The following EMILIN2 variants were observed in gnomAD, a reference collection of about 807,000 sequenced individuals.
EMILIN2 encodes elastin microfibril interfacer 2.
A neutral mutation model predicts 87.1 loss-of-function variants in EMILIN2; 71 were observed. The observed-to-expected ratio is 0.82, with a 90% CI of 0.67 to 0.99. The LOEUF is 0.99. Ranked by LOEUF, EMILIN2 falls within the 50% of genes least tolerant of loss-of-function variation. The pLI, the probability that EMILIN2 is intolerant of heterozygous loss-of-function variation, is 0.00. For synonymous variants in EMILIN2, 581 were observed against 563.4 expected (o/e 1.03, Z -0.44); for missense variants, 1,407 against 1,371.8 (o/e 1.03, Z -0.40).
rs185007950 is a variant in EMILIN2, at chr18:2,858,826, G to A, written c.257+10895G>A. Among the ~76,000 whole-genome samples, 563 of 151,116 alleles carry A rather than the reference G, an allele frequency of 3.7e-3. 4 individuals carry two copies. The highest frequency in any genetic ancestry group is 0.013 in the African/African-American group (542 of 41,098). The stretch of plus-strand genomic sequence containing the variant: ...AATTTTTGTATTTTTAGTTGAGACG[G>A]GGTTTCACCATGTTGGCCAGGCTGG... On this transcript the variant is annotated intron_variant, in intron 2 of 7. Coordinates refer to ENST00000254528, the MANE Select transcript of EMILIN2 (RefSeq NM_032048.3).
intron 3 of EMILIN2, among the ~76,000 whole-genome samples, chr18:2,888,720 A>C (rs1375716123): frequency 1.3e-5 from 2 of 151,578 alleles, no homozygotes; most frequent in Non-Finnish European, 2.9e-5. Context: ...GTCTCAAAAA[A>C]AAAAAAAAAA....
intron 2 of EMILIN2, among the ~76,000 whole-genome samples, chr18:2,869,786 T>TGTGTG (rs1568461094): frequency 1.5e-4 from 9 of 59,068 alleles, no homozygotes; most frequent in African/African-American, 5.4e-4. Flanking sequence ...GTGTGTGTGT[T>TGTGTG]TGTGTGTGTG....
chr18:2,901,298 C>T lies in EMILIN2; in HGVS notation c.2360-5485C>T, dbSNP rs145443857. Among the ~76,000 whole-genome samples, 681 of 152,346 alleles carry T rather than the reference C, an allele frequency of 4.5e-3. 2 individuals carry two copies. Among genetic ancestry groups the T allele is most frequent in the Non-Finnish European group, 4.9e-3 (334 of 68,026 alleles). On this transcript the variant is annotated intron_variant, in intron 4 of 7. Coordinates refer to ENST00000254528, the MANE Select transcript of EMILIN2 (RefSeq NM_032048.3). ...CCTCCTGCAGCCCAGCTGCTCAGGG[C>T]TCTTGCAGAAAGCAGGGCTTCCTGG... is the stretch of plus-strand genomic sequence containing the variant.
chr18:2,899,784 G>C (rs564459364), intron 4 of EMILIN2, among the ~76,000 whole-genome samples: 1 of 152,132 alleles, frequency 6.6e-6, no homozygotes, highest in Non-Finnish European at 1.5e-5. Context: ...GATTACAGGC[G>C]TGAGCCACCG....
At position 2,881,384 on chromosome 18, in the gene EMILIN2, G is replaced by A. The variant is rs539429582; in HGVS notation, c.258-3580G>A. Among the ~76,000 whole-genome samples the A allele has an allele frequency of 4.5e-4, 69 of 152,308 alleles. 1 individual carries two copies. The highest frequency in any genetic ancestry group is 2.7e-3 in the South Asian group (13 of 4,830). On this transcript the variant is annotated intron_variant, in intron 2 of 7. Transcript: ENST00000254528. ...ACTCAACAGCAGGCAGATTAGACGC[G>A]GAGCAGGAGTGGGGAACATGTGTAG...
chr18:2,881,847 A>G (rs2076778154), intron 2 of EMILIN2, among the ~76,000 whole-genome samples: 1 of 152,200 alleles, frequency 6.6e-6, no homozygotes, highest in African/African-American at 2.4e-5. Flanking sequence ...ATTTTCAAGG[A>G]CCACACAGAG....
At chr18:2,901,362 G>A (rs1012842456) in intron 4 of EMILIN2, among the ~76,000 whole-genome samples, 8 of 152,366 alleles carry the variant, frequency 5.3e-5, no homozygotes, top group African/African-American at 1.9e-4. Flanking sequence ...ATGAGCGAGG[G>A]TGTTAGTTCA....
chr18:2,850,817 G>A (rs2076597943), intron 2 of EMILIN2, among the ~76,000 whole-genome samples: 1 of 152,044 alleles, frequency 6.6e-6, no homozygotes, highest in African/African-American at 2.4e-5. Context: ...TAGGGACAGT[G>A]GAGGGGAAGG....
chr18:2,898,794 G>A (rs921502083), intron 4 of EMILIN2, among the ~76,000 whole-genome samples: 36 of 152,310 alleles, frequency 2.4e-4, no homozygotes, highest in African/African-American at 8.4e-4. Flanking sequence ...TGACCCCTTT[G>A]CCCCAACTCA....
chr18:2,882,843 A>G lies in EMILIN2; in HGVS notation c.258-2121A>G, dbSNP rs2076783579. Among the ~76,000 whole-genome samples, 3 of 151,518 alleles carry G rather than the reference A, an allele frequency of 2.0e-5. No individual in the cohort carries two copies. The South Asian group carries it at 6.3e-4, about 32-fold the overall frequency. The stretch of plus-strand genomic sequence containing the variant: ...GGTTGCAGTGAGCCGAGATCGCGCC[A>G]TTGTACTCCAGCCTGGGCAACGAGA... On this transcript the variant is annotated intron_variant, in intron 2 of 7. Coordinates refer to ENST00000254528, the MANE Select transcript of EMILIN2 (RefSeq NM_032048.3).
chr18:2,866,762 C>T (rs1281617090), intron 2 of EMILIN2, among the ~76,000 whole-genome samples: 1 of 152,098 alleles, frequency 6.6e-6, no homozygotes, highest in Non-Finnish European at 1.5e-5. Flanking sequence ...AGTGGGCATC[C>T]TTGTCTTATT....
At chr18:2,898,301 C>G (rs2076872891) in intron 4 of EMILIN2, among the ~76,000 whole-genome samples, 1 of 152,256 alleles carries the variant, frequency 6.6e-6, no homozygotes, top group Non-Finnish European at 1.5e-5. Context: ...GGACCCAGGA[C>G]TAGCCCGGCC....
At chr18:2,884,842 T>A in intron 2 of EMILIN2, 122 bp from the exon 3 acceptor site, 1 of 1,072,130 alleles carries the variant, frequency 9.3e-7, no homozygotes, top group East Asian at 2.6e-5. Flanking sequence ...ACATCCCCTC[T>A]GGGCCAGCCT....
chr18:2,868,480 C>T (rs2076701385), intron 2 of EMILIN2, among the ~76,000 whole-genome samples: 1 of 152,230 alleles, frequency 6.6e-6, no homozygotes, highest in Non-Finnish European at 1.5e-5. Flanking sequence ...GCCAAGATCA[C>T]ACCACTGCAC....
chr18:2,854,003 AT>A (rs1418934333), intron 2 of EMILIN2, among the ~76,000 whole-genome samples: 11 of 152,208 alleles, frequency 7.2e-5, no homozygotes, highest in African/African-American at 2.6e-4. Context: ...TGGTTTTAGT[AT>A]TGGGGGCTTT....
At chr18:2,910,546 G>T (rs1206656866) in intron 7 of EMILIN2, among the ~76,000 whole-genome samples, 1 of 152,142 alleles carries the variant, frequency 6.6e-6, no homozygotes. Context: ...AGGCAGGTGT[G>T]GGGAGGTCCC....
chr18:2,902,421 G>A (rs2076891809), intron 4 of EMILIN2, among the ~76,000 whole-genome samples: 1 of 152,176 alleles, frequency 6.6e-6, no homozygotes, highest in Non-Finnish European at 1.5e-5. Flanking sequence ...GTTTCCTGGT[G>A]CAGAGGCAGG....
chr18:2,888,278 A>G lies in EMILIN2; in HGVS notation c.434-2283A>G, dbSNP rs139454519. ...ATCCTTTGAAAAAAATGCAATTTGC[A>G]CAGTCACCGTGGTATATGAGCAAAG... On this transcript the variant is annotated intron_variant, in intron 3 of 7. Coordinates refer to ENST00000254528, the MANE Select transcript of EMILIN2 (RefSeq NM_032048.3). Among the ~76,000 whole-genome samples the G allele has an allele frequency of 2.4e-3, 364 of 152,354 alleles. 1 individual carries two copies. Among genetic ancestry groups the G allele is most frequent in the Non-Finnish European group, 4.4e-3 (301 of 68,028 alleles).
In EMILIN2 at chr18:2,913,203, A is replaced by G. The variant is rs377509819; in HGVS notation, c.2961A>G (p.Arg987=). 8.7e-6 allele frequency: 14 copies of G among 1,613,364 alleles called. No individual in the cohort carries two copies. Among genetic ancestry groups the G allele is most frequent in the Non-Finnish European group, 1.2e-5 (14 of 1,179,964 alleles). ...VAQLHTAGYR[R]EFLEYHRPPG... Reference sequence around the variant, plus strand: ...AGCTGCATACCGCTGGGTACAGGAGAGAGTTCCTGGAATACCACCGCCCTC... The same window carrying G: ...AGCTGCATACCGCTGGGTACAGGAGGGAGTTCCTGGAATACCACCGCCCTC... Residue 987 remains arginine (R), a synonymous_variant, in exon 8 of 8, where the codon AGA becomes AGG. Coordinates refer to ENST00000254528, the MANE Select transcript of EMILIN2 (RefSeq NM_032048.3).
Sources: allele counts gnomAD v4.1 joint callset (sites outside exome capture counted in the v4.1 genomes callset), GRCh38; gene constraint gnomAD v4.1.1; transcripts MANE v1.5; gene names NCBI Gene and HGNC (gene_info 2026-07-23, HGNC 2026-07-21).